TNRC18: variants seen among roughly 807,000 people sequenced by gnomAD.
The protein encoded by TNRC18 is trinucleotide repeat containing 18.
In TNRC18, 69 loss-of-function variants were observed where a neutral mutation model predicts 226.7. That is an observed-to-expected ratio of 0.30 (90% CI 0.25 to 0.37). The LOEUF (loss-of-function observed/expected upper bound fraction) is 0.37. Ranked by LOEUF, TNRC18 falls within the 10% of genes least tolerant of loss-of-function variation. The pLI, the probability that TNRC18 is intolerant of heterozygous loss-of-function variation, is 1.00. For synonymous variants in TNRC18, 2,449 were observed against 1,927.6 expected (o/e 1.27, Z -7.09); for missense variants, 4,754 against 4,256.6 (o/e 1.12, Z -3.25).
Position 5,324,096 on chromosome 7 carries a change from T to TGTGGTTCCCTGCCCCC in TNRC18, c.6442+102_6442+117dup. 8.5e-7 allele frequency: 1 copy of TGTGGTTCCCTGCCCCC among 1,169,692 alleles called. No homozygotes were observed. Among genetic ancestry groups the TGTGGTTCCCTGCCCCC allele is most frequent in the Non-Finnish European group, 1.2e-6 (1 of 846,704 alleles). 72.5% of individuals were successfully genotyped at this position (1,169,692 alleles called of 1,614,324 possible). On this transcript the variant is annotated intron_variant, in intron 21 of 29. Transcript: ENST00000430969. This position sits in a 1 kb window ranked among gnomAD's most constrained non-coding sequence, Gnocchi z 4.8. ...AACTCAGCCTCAGGATCTCTGCTCC[T>TGTGGTTCCCTGCCCCC]GTGGTTCCCTGCCCCCAGCTAGCCC...
rs190556037 is a variant in TNRC18, at chr7:5,308,521, C to T, written c.8701-209G>A. 2.6e-4 allele frequency among the ~76,000 whole-genome samples: 40 copies of T among 152,078 alleles called. No individual in the cohort carries two copies. The East Asian group carries it at 7.0e-3, about 27-fold the overall frequency. On this transcript the variant is annotated intron_variant, in intron 29 of 29. Coordinates refer to ENST00000430969, the MANE Select transcript of TNRC18 (RefSeq NM_001080495.3). ...AGAGCAAATGAGAGACAAGGATAGA[C>T]AGACCAAGAGATCCAAAGACGCAGA...
rs548566224 is a variant in TNRC18, at chr7:5,331,542, G to A, written c.6147+1080C>T. Among the ~76,000 whole-genome samples, 8 of 152,294 alleles carry A rather than the reference G, an allele frequency of 5.3e-5. No individual in the cohort carries two copies. In the South Asian group the frequency reaches 1.7e-3, roughly 32 times the overall value. On this transcript the variant is annotated intron_variant, in intron 19 of 29. Coordinates refer to ENST00000430969, the MANE Select transcript of TNRC18 (RefSeq NM_001080495.3). Reference sequence around the variant, plus strand: ...TACCAGCAGCGCCGGTGAAACCACAGAGTCTTGCAGCAACGGAAACCACAG... The same window carrying A: ...TACCAGCAGCGCCGGTGAAACCACAAAGTCTTGCAGCAACGGAAACCACAG...
chr7:5,344,363 C>T (rs79576787), intron 18 of TNRC18, among the ~76,000 whole-genome samples: 1 of 152,278 alleles, frequency 6.6e-6, no homozygotes, highest in Non-Finnish European at 1.5e-5. Flanking sequence ...CCAGCTGCTT[C>T]TGTATGAACA....
intron 13 of TNRC18, 60 bp downstream of exon 13, chr7:5,361,837 G>A (rs1321552212): frequency 1.7e-5 from 26 of 1,507,600 alleles, no homozygotes; most frequent in East Asian, 2.5e-5. Flanking sequence ...GCTGCTGCGC[G>A]CCTGGGGGCC....
rs138344749 is a variant in TNRC18 at position 5,309,616 on chromosome 7, T to C, written c.8389-248A>G. 5.1e-3 allele frequency among the ~76,000 whole-genome samples: 780 copies of C among 152,368 alleles called. 6 individuals carry two copies. The highest frequency in any genetic ancestry group is 0.018 in the African/African-American group (756 of 41,594). On this transcript the variant is annotated intron_variant, in intron 27 of 29. Coordinates refer to ENST00000430969, the MANE Select transcript of TNRC18 (RefSeq NM_001080495.3). The surrounding 1 kb of genome is among the most constrained non-coding windows in gnomAD (Gnocchi z 5.7). ...CATTCTGCCGCTACAAGACTTCTTA[T>C]TTTTGAGACAGGGTCTCCCTCTGTT...
chr7:5,322,689 C>A (rs1788500343), intron 21 of TNRC18, among the ~76,000 whole-genome samples: 1 of 152,244 alleles, frequency 6.6e-6, no homozygotes, highest in Non-Finnish European at 1.5e-5. Context: ...CCCCAACCCT[C>A]TGCTCCCTCC....
In TNRC18 at chr7:5,402,867, T is replaced by A. The variant is rs867063416; in HGVS notation, c.188-8272A>T. ...AGACTCTGTCTCAAAAAAAAAAATA[T>A]ATTTATGGTGTGGAATGGGGGGGCA... On this transcript the variant is annotated intron_variant, in intron 2 of 29. Transcript: ENST00000430969. 5.1e-3 allele frequency among the ~76,000 whole-genome samples: 764 copies of A among 149,280 alleles called. 7 individuals are homozygous for A. Among genetic ancestry groups the A allele is most frequent in the African/African-American group, 0.018 (713 of 40,342 alleles).
chr7:5,415,133 T>C (rs1358061046), intron 2 of TNRC18, among the ~76,000 whole-genome samples: 1 of 152,118 alleles, frequency 6.6e-6, no homozygotes, highest in Non-Finnish European at 1.5e-5. Context: ...ACCTGAAGGA[T>C]CCCACCTCCC....
At chr7:5,420,858 A>T in intron 2 of TNRC18, 1 of 754,456 alleles carries the variant, frequency 1.3e-6, no homozygotes, top group South Asian at 1.5e-5. Context: ...GCTACGGAAA[A>T]GGTAGCCGAG....
chr7:5,364,999 G>C (rs1562555512), intron 11 of TNRC18, among the ~76,000 whole-genome samples: 2 of 150,376 alleles, frequency 1.3e-5, no homozygotes, highest in African/African-American at 4.9e-5. Flanking sequence ...GGCCAAACGT[G>C]CAAAGGAGCC....
chr7:5,321,719 T>TG lies in TNRC18; in HGVS notation c.6443-530dup, dbSNP rs1788381893. On this transcript the variant is annotated intron_variant, in intron 21 of 29. Coordinates refer to ENST00000430969, the MANE Select transcript of TNRC18 (RefSeq NM_001080495.3). ...GGAGTTTCAATCTTGTTGCCCAGGCTGGAGTGCAATGGCATGATCTCGGCT... is the reference window on the plus strand; with the variant it reads ...GGAGTTTCAATCTTGTTGCCCAGGCTGGGAGTGCAATGGCATGATCTCGGCT... Among the ~76,000 whole-genome samples, 3 of 151,864 alleles carry TG rather than the reference T, an allele frequency of 2.0e-5. No individual in the cohort carries two copies. In the South Asian group the frequency reaches 6.2e-4, roughly 31 times the overall value.
intron 16 of TNRC18, among the ~76,000 whole-genome samples, chr7:5,354,882 T>C (rs902379908): frequency 9.2e-5 from 14 of 152,216 alleles, no homozygotes; most frequent in African/African-American, 3.4e-4. Context: ...ATAAACACTT[T>C]TTATTTCCTT....
chr7:5,371,231 G>T lies in TNRC18; in HGVS notation c.3363C>A (p.Pro1121=). Reference sequence around the variant, plus strand: ...CTTCGGGTGAGAGTGCCAGGCGCTCGGGCCCATCAGCCGGGAGCGGCACAT... The same window carrying T: ...CTTCGGGTGAGAGTGCCAGGCGCTCTGGCCCATCAGCCGGGAGCGGCACAT... The part of the protein sequence containing the change: ...APDVPLPADG[P]ERLALSPEDK... Residue 1121 remains proline (P), a synonymous_variant, in exon 11 of 30, where the codon CCC becomes CCA. Coordinates refer to ENST00000430969, the MANE Select transcript of TNRC18 (RefSeq NM_001080495.3). The T allele has an allele frequency of 6.2e-7, 1 of 1,605,126 alleles. No homozygotes were observed. The highest frequency in any genetic ancestry group is 8.5e-7 in the Non-Finnish European group (1 of 1,174,874).
In TNRC18 at chr7:5,324,402, G is replaced by C; in HGVS notation, c.6301-47C>G. 6.2e-7 allele frequency: 1 copy of C among 1,600,418 alleles called. No individual in the cohort carries two copies. The highest frequency in any genetic ancestry group is 8.5e-7 in the Non-Finnish European group (1 of 1,173,670). ...CAAATGACTTAGGACCTGAACAGGG[G>C]TCCTGCCGGGTTGGGGACCCTCTCT... On this transcript the variant is annotated intron_variant, in intron 20 of 29. Transcript: ENST00000430969. This position sits in a 1 kb window ranked among gnomAD's most constrained non-coding sequence, Gnocchi z 4.8.
chr7:5,351,568 C>T (rs1478686941), intron 17 of TNRC18, among the ~76,000 whole-genome samples: 1 of 152,166 alleles, frequency 6.6e-6, no homozygotes, highest in East Asian at 1.9e-4. Flanking sequence ...GTCCATATAA[C>T]AGCTCAAAAA....
chr7:5,327,595 A>G (rs1789065573), intron 19 of TNRC18, among the ~76,000 whole-genome samples: 2 of 152,092 alleles, frequency 1.3e-5, no homozygotes, highest in Admixed American at 1.3e-4. Flanking sequence ...ACAGGGAAAC[A>G]AAAGGAAATG....
intron 4 of TNRC18, 25 bp downstream of exon 4, chr7:5,390,460 C>A (rs763243621): frequency 6.2e-7 from 1 of 1,613,344 alleles, no homozygotes; most frequent in Non-Finnish European, 8.5e-7. Context: ...CCTGTGCCAC[C>A]CCCAACCCCG....
rs372751687 is a variant in TNRC18 at position 5,316,076 on chromosome 7, T to C, written c.6746-4A>G. 165 of 1,609,908 alleles carry C rather than the reference T, an allele frequency of 1.0e-4. No individual in the cohort carries two copies. In the African/African-American group the frequency reaches 1.9e-3, roughly 19 times the overall value. On this transcript the variant is annotated splice_polypyrimidine_tract_variant and splice_region_variant and intron_variant, in intron 24 of 29. Transcript: ENST00000430969. ...TCGTCCTCCAGGTCCAGTAACCCTG[T>C]GGGAAGAGGGGAGGCTCAGGGGAGG...
At chr7:5,406,942 C>T (rs1781512177) in intron 2 of TNRC18, among the ~76,000 whole-genome samples, 1 of 152,204 alleles carries the variant, frequency 6.6e-6, no homozygotes, top group African/African-American at 2.4e-5. Flanking sequence ...TATCAACACC[C>T]CCACCTCCCT....
Sources: allele counts gnomAD v4.1 joint callset (sites outside exome capture counted in the v4.1 genomes callset), GRCh38; gene constraint gnomAD v4.1.1; non-coding constraint Gnocchi (gnomAD v3.1); transcripts MANE v1.5; gene names NCBI Gene and HGNC (gene_info 2026-07-23, HGNC 2026-07-21).